HUNK: variants seen among roughly 807,000 people sequenced by gnomAD.
HUNK encodes hormonally up-regulated neu tumor-associated kinase.
Under a neutral mutation model 61.0 loss-of-function variants are expected in HUNK, and 21 were observed. The ratio of observed to expected loss-of-function variants is 0.34; its 90% CI spans 0.24 to 0.50. The LOEUF (loss-of-function observed/expected upper bound fraction) is 0.50, where lower values mean the gene tolerates loss of function less well. Ranked by LOEUF, HUNK falls within the 20% of genes least tolerant of loss-of-function variation. The probability of loss-of-function intolerance (pLI) is 0.98; values close to 1 mark genes in which losing one functional copy is unlikely to be tolerated. For synonymous variants in HUNK, 371 were observed against 386.1 expected (o/e 0.96, Z 0.46); for missense variants, 772 against 945.7 (o/e 0.82, Z 2.41).
At chr21:31,996,105 G>A (rs1003777366) in intron 10 of HUNK, among the ~76,000 whole-genome samples, 157 bp downstream of exon 10, 1 of 152,166 alleles carries the variant, frequency 6.6e-6, no homozygotes, top group African/African-American at 2.4e-5. Context: ...CCTGAGCACA[G>A]TCCAGGACCA....
chr21:31,990,418 A>G (rs1601412919), intron 9 of HUNK, among the ~76,000 whole-genome samples: 1 of 148,646 alleles, frequency 6.7e-6, no homozygotes, highest in Admixed American at 6.7e-5. Flanking sequence ...AGAAGACCTC[A>G]TTCTTTTTTT....
chr21:31,932,331 T>A (rs1183690164), intron 2 of HUNK, among the ~76,000 whole-genome samples: 3 of 152,088 alleles, frequency 2.0e-5, no homozygotes, highest in Non-Finnish European at 4.4e-5. Flanking sequence ...CCTCCCTGAC[T>A]CTCCTCCCTC....
chr21:31,952,393 C>T (rs913470408), intron 4 of HUNK, among the ~76,000 whole-genome samples: 1 of 152,190 alleles, frequency 6.6e-6, no homozygotes, highest in Non-Finnish European at 1.5e-5. Context: ...TGGCTGCACT[C>T]TGTGTAAACT....
chr21:31,994,073 T>C (rs1037029624), intron 9 of HUNK, among the ~76,000 whole-genome samples: 2 of 152,122 alleles, frequency 1.3e-5, no homozygotes, highest in African/African-American at 2.4e-5. Flanking sequence ...TCTTCACATG[T>C]AAAGGAGGTA....
chr21:31,890,834 TTGTGTACTTGATTGAAAA>T (rs150143280), intron 1 of HUNK, among the ~76,000 whole-genome samples: 8,739 of 152,248 alleles, frequency 0.057, 307 homozygotes, highest in Middle Eastern at 0.16. Context: ...TAATCATAAT[TTGTGTACTTGATTGAAAA>T]TGTGTTTCTT....
intron 1 of HUNK, among the ~76,000 whole-genome samples, chr21:31,887,285 A>G (rs1410550365): frequency 6.6e-6 from 1 of 152,188 alleles, no homozygotes; most frequent in Non-Finnish European, 1.5e-5. Flanking sequence ...AAATGTAGCA[A>G]CACTGCAACA....
In HUNK at chr21:31,875,795, G is replaced by A. The variant is rs530793236; in HGVS notation, c.261+1860G>A. ...AGAAGCGAGTCTTTATGCTCACAAC[G>A]TCATGGCAAACACTGCAAGTACATT... On this transcript the variant is annotated intron_variant, in intron 1 of 10. Transcript: ENST00000270112. Among the ~76,000 whole-genome samples the A allele has an allele frequency of 3.5e-4, 54 of 152,314 alleles. No individual in the cohort carries two copies. In the South Asian group the frequency reaches 0.011, roughly 31 times the overall value.
chr21:31,958,726 G>T, intron 4 of HUNK, 117 bp from the exon 5 acceptor site: 1 of 916,132 alleles, frequency 1.1e-6, no homozygotes, highest in Non-Finnish European at 1.6e-6. Flanking sequence ...TTTGAAGAGG[G>T]CCTGTTGAGG....
Position 31,974,667 on chromosome 21 carries a change from C to A in HUNK, c.1123C>A (p.Leu375Met), listed in dbSNP as rs1253264264. The A allele has an allele frequency of 6.2e-7, 1 of 1,614,036 alleles. No homozygotes were observed. The highest frequency in any genetic ancestry group is 1.1e-5 in the South Asian group (1 of 91,074). The part of the protein sequence containing the change: ...TVLSNRACHI[L>M]AIYFLLNKKL... ...GCTCTCCAACCGCGCCTGCCACATC[C>A]TGGCCATCTACTTCCTCTTAAACAA... is the stretch of plus-strand genomic sequence containing the variant. The change falls in exon 7 of 11, where the codon CTG becomes ATG. Residue 375 changes from leucine (L) to methionine (M), a missense_variant. By Grantham distance (15) the Leu-to-Met change is conservative (BLOSUM62 2). Coordinates refer to ENST00000270112, the MANE Select transcript of HUNK (RefSeq NM_014586.2).
At position 31,873,512 on chromosome 21, in the gene HUNK, G is replaced by C. The variant is rs1468730181; in HGVS notation, c.-163G>C. 1 of 425,384 alleles carries C rather than the reference G, an allele frequency of 2.4e-6. No homozygotes were observed. The highest frequency in any genetic ancestry group is 9.7e-5 in the South Asian group (1 of 10,340). The allele number at this position is 425,384 out of a possible 1,614,324, so 26.4% of individuals were successfully genotyped here. On this transcript the variant is annotated 5_prime_UTR_variant, in exon 1 of 11. Transcript: ENST00000270112. The surrounding 1 kb of genome is among the most constrained non-coding windows in gnomAD (Gnocchi z 6.1). ...TTGTCTACGCGCCTCGCTGGGCGGC[G>C]CGGGGGGCGTGATCGCGGCGGCCCC... is the stretch of plus-strand genomic sequence containing the variant.
At chr21:31,985,841 G>T (rs565277431) in intron 8 of HUNK, among the ~76,000 whole-genome samples, 2 of 152,276 alleles carry the variant, frequency 1.3e-5, no homozygotes, top group Non-Finnish European at 1.5e-5. Context: ...CTGCCTCTCC[G>T]TCAGTGACAC....
intron 3 of HUNK, among the ~76,000 whole-genome samples, chr21:31,943,855 A>ACT (rs2052784730): frequency 1.3e-5 from 2 of 152,190 alleles, no homozygotes; most frequent in Non-Finnish European, 2.9e-5. Context: ...GAGATTAGGA[A>ACT]CAGAGTCTTT....
At chr21:31,960,210 C>A (rs1410890599) in intron 5 of HUNK, among the ~76,000 whole-genome samples, 1 of 152,058 alleles carries the variant, frequency 6.6e-6, no homozygotes, top group Admixed American at 6.5e-5. Context: ...TAGGTGTGTT[C>A]TAGATTAAGC....
intron 1 of HUNK, among the ~76,000 whole-genome samples, chr21:31,919,057 C>T (rs111995262): frequency 2.9e-4 from 21 of 71,224 alleles, no homozygotes; most frequent in African/African-American, 1.3e-3. Context: ...CTGGACTGAG[C>T]GGTATGAGGA....
At chr21:31,936,704 C>G (rs2123825310) in intron 2 of HUNK, among the ~76,000 whole-genome samples, 1 of 152,232 alleles carries the variant, frequency 6.6e-6, no homozygotes, top group South Asian at 2.1e-4. Context: ...AGTTTTAGGA[C>G]ATTTCCTAGA....
In HUNK at chr21:31,924,708, C is replaced by T. The variant is rs1359107822; in HGVS notation, c.502C>T (p.Arg168Ter). ...GGAGTCCGAAGCCCGCAGATACATC[C>T]GACAGCTCATCTCTGCCGTAGAGCA... ...LEESEARRYI[R>*]QLISAVEHLH... The change falls in exon 2 of 11, where the codon CGA becomes TGA. Residue 168 changes from arginine to a stop codon, truncating the protein, a stop_gained. Coordinates refer to ENST00000270112, the MANE Select transcript of HUNK (RefSeq NM_014586.2). LOFTEE classifies it high-confidence loss of function. This position sits in a 1 kb window ranked among gnomAD's most constrained non-coding sequence, Gnocchi z 5.1. The T allele has an allele frequency of 1.9e-6, 3 of 1,613,802 alleles. No individual in the cohort carries two copies. The highest frequency in any genetic ancestry group is 2.5e-6 in the Non-Finnish European group (3 of 1,179,968).
chr21:31,944,194 C>T (rs1282569561), intron 3 of HUNK, among the ~76,000 whole-genome samples: 1 of 152,252 alleles, frequency 6.6e-6, no homozygotes, highest in Non-Finnish European at 1.5e-5. Context: ...GTTCTCCTGC[C>T]TCAGCCTCCC....
At chr21:31,959,425 T>C (rs1808587849) in intron 5 of HUNK, among the ~76,000 whole-genome samples, 2 of 152,162 alleles carry the variant, frequency 1.3e-5, no homozygotes, top group East Asian at 3.9e-4. Flanking sequence ...GTTTTGTGAG[T>C]TGAGGTTTTG....
intron 1 of HUNK, among the ~76,000 whole-genome samples, chr21:31,904,754 C>T (rs2052493191): frequency 6.6e-6 from 1 of 152,162 alleles, no homozygotes; most frequent in Non-Finnish European, 1.5e-5. Context: ...GAAGCCTTAA[C>T]TCCTAGTACC....
Sources: allele counts gnomAD v4.1 joint callset (sites outside exome capture counted in the v4.1 genomes callset), GRCh38; gene constraint gnomAD v4.1.1; non-coding constraint Gnocchi (gnomAD v3.1); transcripts MANE v1.5; gene names NCBI Gene and HGNC (gene_info 2026-07-23, HGNC 2026-07-21).